FGF18: variants seen among roughly 807,000 people sequenced by gnomAD.
The protein encoded by FGF18 is fibroblast growth factor 18.
FGF18 carries 5 observed loss-of-function variants against 23.0 expected under a neutral mutation model. The observed-to-expected ratio is 0.22, with a 90% CI of 0.11 to 0.46. The LOEUF (loss-of-function observed/expected upper bound fraction) is 0.46, where lower values mean the gene tolerates loss of function less well. FGF18 is among the 20% of genes least tolerant of loss of function. The pLI is 0.99. For missense variants in FGF18, 180 were observed against 291.6 expected (o/e 0.62, Z 2.79); for synonymous variants, 117 against 118.9 (o/e 0.98, Z 0.10).
intron 2 of FGF18, among the ~76,000 whole-genome samples, chr5:171,430,027 C>T (rs1034666835): frequency 5.9e-5 from 9 of 152,240 alleles, no homozygotes; most frequent in African/African-American, 1.9e-4. Context: ...GATGTAACCT[C>T]TCTGAGCCTC....
At chr5:171,423,415 G>GC in intron 2 of FGF18, among the ~76,000 whole-genome samples, 1 of 152,218 alleles carries the variant, frequency 6.6e-6, no homozygotes, top group Non-Finnish European at 1.5e-5. Context: ...ACGCAGCTCG[G>GC]CCGGCACCTG....
At chr5:171,420,358 G>A (rs758356904) in intron 1 of FGF18, 49 bp from the exon 2 acceptor site, 1 of 1,609,490 alleles carries the variant, frequency 6.2e-7, no homozygotes, top group Non-Finnish European at 8.5e-7. Flanking sequence ...CTGTCCGTGC[G>A]CCCCCTTCCT....
At chr5:171,422,738 C>T (rs1003219485) in intron 2 of FGF18, among the ~76,000 whole-genome samples, 3 of 152,108 alleles carry the variant, frequency 2.0e-5, no homozygotes, top group African/African-American at 4.8e-5. Context: ...CTGCACTTAG[C>T]GGGTAGCAGT....
At position 171,436,940 on chromosome 5, in the gene FGF18, C is replaced by T. The variant is rs781042495; in HGVS notation, c.250+667C>T. 7.9e-5 allele frequency among the ~76,000 whole-genome samples: 12 copies of T among 152,352 alleles called. No individual in the cohort carries two copies. Among genetic ancestry groups the T allele is most frequent in the Non-Finnish European group, 1.5e-4 (10 of 68,036 alleles). ...GCAGTGAGTGAAACAGGCAGCGCTCCGCCTTCCCAGAGCTTGGAGGGCCTC... is the reference window on the plus strand; with the variant it reads ...GCAGTGAGTGAAACAGGCAGCGCTCTGCCTTCCCAGAGCTTGGAGGGCCTC... On this transcript the variant is annotated intron_variant, in intron 3 of 4. Coordinates refer to ENST00000274625, the MANE Select transcript of FGF18 (RefSeq NM_003862.3). The surrounding 1 kb of genome is among the most constrained non-coding windows in gnomAD (Gnocchi z 4.4).
At chr5:171,426,170 G>A (rs1772085728) in intron 2 of FGF18, among the ~76,000 whole-genome samples, 1 of 152,206 alleles carries the variant, frequency 6.6e-6, no homozygotes, top group South Asian at 2.1e-4. Flanking sequence ...TGGAGGGACA[G>A]TGCATCACCC....
At chr5:171,428,505 G>A (rs1772131167) in intron 2 of FGF18, among the ~76,000 whole-genome samples, 2 of 152,204 alleles carry the variant, frequency 1.3e-5, no homozygotes, top group Non-Finnish European at 2.9e-5. Flanking sequence ...AGCAAACCGG[G>A]TGAAGAGGAC....
At chr5:171,452,659 G>A (rs551485822) in intron 4 of FGF18, among the ~76,000 whole-genome samples, 39 of 152,148 alleles carry the variant, frequency 2.6e-4, no homozygotes, top group Non-Finnish European at 4.3e-4. Flanking sequence ...CTCTGGAGAC[G>A]CAACCCAGAT....
At chr5:171,421,333 T>G in intron 2 of FGF18, among the ~76,000 whole-genome samples, 1 of 149,960 alleles carries the variant, frequency 6.7e-6, no homozygotes. Context: ...ATGGTGGGGG[T>G]CGGGGGGCGG....
In FGF18 at chr5:171,420,240, CCG is replaced by C. The variant is rs1771982572; in HGVS notation, c.32+16_32+17del. 2.5e-6 allele frequency: 4 copies of C among 1,580,636 alleles called. No individual in the cohort carries two copies. Among genetic ancestry groups the C allele is most frequent in the African/African-American group, 2.7e-5 (2 of 74,198 alleles). ...TCCGCCTGCACTTGCCTGTAAGCGCCCGCGCGCGGGGCTGCCCACCTTGCCTG... is the reference window on the plus strand; with the variant it reads ...TCCGCCTGCACTTGCCTGTAAGCGCCCGCGCGGGGCTGCCCACCTTGCCTG... On this transcript the variant is annotated intron_variant, in intron 1 of 4. Coordinates refer to ENST00000274625, the MANE Select transcript of FGF18 (RefSeq NM_003862.3).
chr5:171,443,911 C>T (rs1357666443), intron 3 of FGF18, among the ~76,000 whole-genome samples: 1 of 151,860 alleles, frequency 6.6e-6, no homozygotes, highest in Non-Finnish European at 1.5e-5. Context: ...TGTGGGCCTT[C>T]CTTCCGGGGC....
intron 2 of FGF18, among the ~76,000 whole-genome samples, chr5:171,428,503 G>A (rs973590837): frequency 4.6e-5 from 7 of 152,174 alleles, no homozygotes; most frequent in East Asian, 1.9e-4. Context: ...AGAGCAAACC[G>A]GGTGAAGAGG....
In FGF18 at chr5:171,451,526, G is replaced by C. The variant is rs1442571008; in HGVS notation, c.357+2273G>C. Among the ~76,000 whole-genome samples, 2 of 152,102 alleles carry C rather than the reference G, an allele frequency of 1.3e-5. No homozygotes were observed. The highest frequency in any genetic ancestry group is 2.9e-5 in the Non-Finnish European group (2 of 68,018). The stretch of plus-strand genomic sequence containing the variant: ...CTGGCCTCCTACCATCCCGGAAATC[G>C]TTGCCCCAGCCGCCTGGCGTGTGGC... On this transcript the variant is annotated intron_variant, in intron 4 of 4. Transcript: ENST00000274625. This position sits in a 1 kb window ranked among gnomAD's most constrained non-coding sequence, Gnocchi z 4.5.
At chr5:171,455,865 G>T (rs897358935) in intron 4 of FGF18, among the ~76,000 whole-genome samples, 7 of 152,162 alleles carry the variant, frequency 4.6e-5, no homozygotes, top group Non-Finnish European at 7.4e-5. Context: ...GGGCTATCTG[G>T]GTGGAGAGTG....
chr5:171,444,610 G>A (rs1243199583), intron 3 of FGF18, among the ~76,000 whole-genome samples: 1 of 152,064 alleles, frequency 6.6e-6, no homozygotes, highest in Non-Finnish European at 1.5e-5. Context: ...GGGGATGGGT[G>A]GGTGGGAGCC....
intron 2 of FGF18, among the ~76,000 whole-genome samples, chr5:171,425,511 G>A (rs1772076460): frequency 7.1e-6 from 1 of 141,438 alleles, no homozygotes; most frequent in Admixed American, 7.3e-5. Flanking sequence ...ATGAGCCACT[G>A]CACCTGGCCG....
rs574394321 is a variant in FGF18 at position 171,454,989 on chromosome 5, A to G, written c.358-1550A>G. The stretch of plus-strand genomic sequence containing the variant: ...TGTCGGGAACAGCTGCCGTTCAGGA[A>G]TAATCTAGCAAGCTCCTACTGTGTG... On this transcript the variant is annotated intron_variant, in intron 4 of 4. Transcript: ENST00000274625. Among the ~76,000 whole-genome samples the G allele has an allele frequency of 3.3e-5, 5 of 152,386 alleles. No individual in the cohort carries two copies. In the East Asian group the frequency reaches 9.6e-4, roughly 29 times the overall value.
chr5:171,446,315 C>T (rs1772418539), intron 3 of FGF18, among the ~76,000 whole-genome samples: 1 of 152,096 alleles, frequency 6.6e-6, no homozygotes, highest in South Asian at 2.1e-4. Flanking sequence ...CTGCGGTGGC[C>T]CTGGCTGGTG....
At chr5:171,452,694 C>G (rs1381783904) in intron 4 of FGF18, among the ~76,000 whole-genome samples, 1 of 152,182 alleles carries the variant, frequency 6.6e-6, no homozygotes, top group Admixed American at 6.5e-5. Flanking sequence ...CTGCCACCAC[C>G]TATTGCGATC....
chr5:171,425,813 A>C (rs1385902375), intron 2 of FGF18, among the ~76,000 whole-genome samples: 1 of 152,150 alleles, frequency 6.6e-6, no homozygotes, highest in East Asian at 1.9e-4. Flanking sequence ...TACTGGCATG[A>C]GCCACTGCGC....
Sources: gnomAD v4.1 joint callset for allele counts (sites outside exome capture counted in the v4.1 genomes callset) on GRCh38, gnomAD v4.1.1 for gene constraint, Gnocchi (gnomAD v3.1) non-coding constraint, MANE v1.5 for transcripts, NCBI Gene and HGNC (gene_info 2026-07-23, HGNC 2026-07-21) for gene names.